INTS6: variants seen among roughly 807,000 people sequenced by gnomAD.
INTS6 encodes the protein integrator complex subunit 6.
A neutral mutation model predicts 104.9 loss-of-function variants in INTS6; 16 were observed. That is an observed-to-expected ratio of 0.15 (90% CI 0.10 to 0.23). The LOEUF (loss-of-function observed/expected upper bound fraction) is 0.23, where lower values mean the gene tolerates loss of function less well. Ranked by LOEUF, INTS6 falls within the 10% of genes least tolerant of loss-of-function variation. INTS6 has a pLI of 1.00. For synonymous variants in INTS6, 324 were observed against 358.7 expected, an observed-to-expected ratio of 0.90 and a Z score of 1.09; for missense variants, 584 against 1,062.8, an observed-to-expected ratio of 0.55 and a Z score of 6.26.
chr13:51,395,299 C>T lies in INTS6; in HGVS notation c.613+1G>A. On this transcript the variant is annotated splice_donor_variant, in intron 5 of 17. Transcript: ENST00000311234. LOFTEE classifies it high-confidence loss of function. ...CAAATTACTGCCAGCAAAAAACTTA[C>T]CGCCTGTCACTTCACACATTGGTGT... is the stretch of plus-strand genomic sequence containing the variant. The T allele has an allele frequency of 6.3e-7, 1 of 1,590,238 alleles. No individual in the cohort carries two copies. Among genetic ancestry groups the T allele is most frequent in the Non-Finnish European group, 8.5e-7 (1 of 1,170,270 alleles).
chr13:51,406,919 T>C (rs1460702228), intron 4 of INTS6, among the ~76,000 whole-genome samples: 1 of 150,572 alleles, frequency 6.6e-6, no homozygotes, highest in Non-Finnish European at 1.5e-5. Context: ...TTTTTTTAGC[T>C]CATCAGCTAT....
intron 3 of INTS6, among the ~76,000 whole-genome samples, chr13:51,435,540 C>G (rs1957171248): frequency 6.6e-6 from 1 of 151,900 alleles, no homozygotes; most frequent in Admixed American, 6.5e-5. Flanking sequence ...TTAATGTAAA[C>G]AGATATTATC....
intron 4 of INTS6, chr13:51,402,892 G>A (rs1053625630): frequency 6.6e-6 from 1 of 151,730 alleles, no homozygotes; most frequent in Non-Finnish European, 1.5e-5. Context: ...TTTCCTCTTT[G>A]TGACTTTTCT....
At chr13:51,433,253 A>G (rs1328032874) in intron 3 of INTS6, among the ~76,000 whole-genome samples, 3 of 152,176 alleles carry the variant, frequency 2.0e-5, no homozygotes, top group Non-Finnish European at 2.9e-5. Context: ...AGACCAGTCT[A>G]GGAAACACTG....
intron 4 of INTS6, among the ~76,000 whole-genome samples, chr13:51,428,065 A>G (rs1007584744): frequency 6.6e-6 from 1 of 152,202 alleles, no homozygotes; most frequent in African/African-American, 2.4e-5. Context: ...TATGGAAACA[A>G]AATACATTGT....
chr13:51,338,869 GA>G, the INTS6 span, among the ~76,000 whole-genome samples: 3 of 152,220 alleles, frequency 2.0e-5, no homozygotes, highest in Non-Finnish European at 4.4e-5. Context: ...ACAGATGCCT[GA>G]GAGATAATTA....
intron 5 of INTS6, among the ~76,000 whole-genome samples, chr13:51,394,680 G>C (rs1276997557): frequency 6.6e-6 from 1 of 152,120 alleles, no homozygotes; most frequent in Non-Finnish European, 1.5e-5. Flanking sequence ...CAAAAGCATG[G>C]AACGATACTT....
chr13:51,447,733 G>GAAAAAAAAAAAAAAA (rs940260743), intron 3 of INTS6: 1 of 55,462 alleles, frequency 1.8e-5, no homozygotes, highest in Non-Finnish European at 3.3e-5. Flanking sequence ...ATAATTTACT[G>GAAAAAAAAAAAAAAA]AAAAAAAAAA....
chr13:51,436,983 T>C (rs1422751560), intron 3 of INTS6: 2 of 152,154 alleles, frequency 1.3e-5, no homozygotes. Context: ...CCAGGCACGG[T>C]GGCTCACACT....
At chr13:51,375,855 T>G (rs958849372) in intron 13 of INTS6, among the ~76,000 whole-genome samples, 193 bp downstream of exon 13, 1 of 151,960 alleles carries the variant, frequency 6.6e-6, no homozygotes, top group Admixed American at 6.6e-5. Flanking sequence ...GGAAGAGAAT[T>G]TGGGGCAACA....
At chr13:51,424,643 G>A (rs1408519010) in intron 4 of INTS6, among the ~76,000 whole-genome samples, 1 of 151,944 alleles carries the variant, frequency 6.6e-6, no homozygotes, top group Non-Finnish European at 1.5e-5. Context: ...TTAGAAAGAT[G>A]AATTGACAGA....
At chr13:51,393,100 CAG>C (rs1593699334) in intron 5 of INTS6, among the ~76,000 whole-genome samples, 3 of 135,762 alleles carry the variant, frequency 2.2e-5, no homozygotes, top group African/African-American at 8.4e-5. Flanking sequence ...TTTTGTGAGA[CAG>C]AGTCTCTCTC....
rs1952878728 is a variant in INTS6, at chr13:51,444,928, T to G, written c.339+6097A>C. Reference sequence around the variant, plus strand: ...AAAATAAAATCTGGGTTTGGGGATATTCCTTCTCATTTAAATTATACCACC... The same window carrying G: ...AAAATAAAATCTGGGTTTGGGGATAGTCCTTCTCATTTAAATTATACCACC... On this transcript the variant is annotated intron_variant, in intron 3 of 17. Transcript: ENST00000311234. 2.6e-5 allele frequency: 4 copies of G among 152,050 alleles called. No individual in the cohort carries two copies. In the South Asian group the frequency reaches 8.3e-4, roughly 31 times the overall value. 9.4% of individuals were successfully genotyped at this position (152,050 alleles called of 1,614,324 possible). A position where few individuals can be genotyped will look rare whatever the true frequency, so the allele number is the denominator to read the frequency against.
At chr13:51,421,609 T>C (rs962925096) in intron 4 of INTS6, among the ~76,000 whole-genome samples, 1 of 152,132 alleles carries the variant, frequency 6.6e-6, no homozygotes, top group Non-Finnish European at 1.5e-5. Flanking sequence ...AAAATCACTA[T>C]GGAAATACAG....
intron 3 of INTS6, among the ~76,000 whole-genome samples, chr13:51,435,443 T>C (rs1308130640): frequency 3.2e-4 from 48 of 152,136 alleles, no homozygotes; most frequent in African/African-American, 2.4e-5. Context: ...TAAAATTTCC[T>C]ATTATAGTTC....
At chr13:51,339,622 T>C in the INTS6 span, 18 of 152,256 alleles carry the variant, frequency 1.2e-4, no homozygotes, top group Admixed American at 1.2e-3. Flanking sequence ...GCTTCCTCTC[T>C]GTGCTGTCTT....
rs1451982763 is a variant in INTS6, at chr13:51,362,097, T to C, written c.*3655A>G. 2.7e-6 allele frequency: 4 copies of C among 1,505,056 alleles called. No homozygotes were observed. Among genetic ancestry groups the C allele is most frequent in the Non-Finnish European group, 3.5e-6 (4 of 1,135,806 alleles). The allele number at this position is 1,505,056 out of a possible 1,614,324, so 93.2% of individuals were successfully genotyped here. On this transcript the variant is annotated 3_prime_UTR_variant, in exon 18 of 18. Transcript: ENST00000311234. ...AAAGGAAACTTATCCTCCATGTTTT[T>C]TACCTTCTCATTCTCTCAGCTCATA...
At chr13:51,368,105 C>T (rs973828290) in intron 16 of INTS6, among the ~76,000 whole-genome samples, 3 of 152,006 alleles carry the variant, frequency 2.0e-5, no homozygotes, top group African/African-American at 7.2e-5. Flanking sequence ...TAATCAAACC[C>T]TGCTTTGTAA....
intron 3 of INTS6, chr13:51,442,718 A>AG (rs1952821103): frequency 6.6e-6 from 1 of 152,244 alleles, no homozygotes; most frequent in Admixed American, 6.5e-5. Flanking sequence ...TGTGCATGCA[A>AG]GGGGTCTAGG....
Sources: allele counts gnomAD v4.1 joint callset (sites outside exome capture counted in the v4.1 genomes callset), GRCh38; gene constraint gnomAD v4.1.1; transcripts MANE v1.5; gene names NCBI Gene and HGNC (gene_info 2026-07-23, HGNC 2026-07-21).